Variants in RARB observed in about 807,000 individuals in gnomAD.
RARB encodes retinoic acid receptor beta.
Under a neutral mutation model 51.9 loss-of-function variants are expected in RARB, and 17 were observed. The observed-to-expected ratio is 0.33, with a 90% CI of 0.22 to 0.49. The LOEUF (loss-of-function observed/expected upper bound fraction) is 0.49. Ranked by LOEUF, RARB falls within the 20% of genes least tolerant of loss-of-function variation. The pLI is 0.99. For missense variants in RARB, 369 were observed against 550.8 expected (o/e 0.67, Z 3.30); for synonymous variants, 215 against 195.4 (o/e 1.10, Z -0.84).
At chr3:24,970,193 T>C (rs1017016434) in intron 2 of RARB, among the ~76,000 whole-genome samples, 1 of 152,114 alleles carries the variant, frequency 6.6e-6, no homozygotes, top group Non-Finnish European at 1.5e-5. Flanking sequence ...AGATTTGGCC[T>C]ATGGCTGTAG....
intron 2 of RARB, among the ~76,000 whole-genome samples, chr3:24,887,272 G>T (rs1250011612): frequency 3.9e-5 from 6 of 152,176 alleles, no homozygotes; most frequent in Non-Finnish European, 8.8e-5. Flanking sequence ...GATTACAATA[G>T]AAAATAATTT....
chr3:25,222,241 T>C lies in RARB; in HGVS notation c.178+47666T>C, dbSNP rs560671736. On this transcript the variant is annotated intron_variant, in intron 5 of 11. Transcript: ENST00000383772. Reference sequence around the variant, plus strand: ...CCTAAGGCCCAGGAGGCCTATATAATTGAGCCCTATCTCCTTCTTACTATT... The same window carrying C: ...CCTAAGGCCCAGGAGGCCTATATAACTGAGCCCTATCTCCTTCTTACTATT... 3.3e-5 allele frequency among the ~76,000 whole-genome samples: 5 copies of C among 152,290 alleles called. No homozygotes were observed. The East Asian group carries it at 7.7e-4, about 24-fold the overall frequency.
intron 1 of RARB, among the ~76,000 whole-genome samples, chr3:24,830,880 TA>T (rs893737183): frequency 4.5e-4 from 68 of 152,196 alleles, no homozygotes; most frequent in African/African-American, 1.6e-3. Context: ...AATTAATTTT[TA>T]AAAGAGGTGC....
At chr3:25,259,513 C>G (rs1260585000) in intron 5 of RARB, among the ~76,000 whole-genome samples, 1 of 152,126 alleles carries the variant, frequency 6.6e-6, no homozygotes, top group East Asian at 1.9e-4. Context: ...AACCTAGGAA[C>G]CTACCTTTAG....
rs541880136 is a variant in RARB, at chr3:25,350,830, T to C, written c.179-110363T>C. On this transcript the variant is annotated intron_variant, in intron 5 of 11. Coordinates refer to the RARB transcript ENST00000383772. ...ATGCAGGGGCTATGGCTGAGGTTTG[T>C]CTCTCTCTGTAGAGCCTGGGCTGCA... Among the ~76,000 whole-genome samples the C allele has an allele frequency of 2.6e-5, 4 of 152,350 alleles. No homozygotes were observed. In the East Asian group the frequency reaches 7.7e-4, roughly 29 times the overall value.
intron 2 of RARB, among the ~76,000 whole-genome samples, chr3:24,984,133 T>C (rs1696736504): frequency 6.6e-6 from 1 of 152,152 alleles, no homozygotes; most frequent in South Asian, 2.1e-4. Context: ...AGTAATTCTT[T>C]CCTGAAAATG....
At chr3:25,575,105 G>T (rs1305709602) in intron 4 of RARB, among the ~76,000 whole-genome samples, 1 of 152,188 alleles carries the variant, frequency 6.6e-6, no homozygotes, top group East Asian at 1.9e-4. Context: ...CATAGATGCT[G>T]GGCTTGGGGA....
chr3:25,258,391 A>G lies in RARB; in HGVS notation c.178+83816A>G, dbSNP rs372186335. Among the ~76,000 whole-genome samples, 41 of 152,318 alleles carry G rather than the reference A, an allele frequency of 2.7e-4. No individual in the cohort carries two copies. The South Asian group carries it at 7.9e-3, about 29-fold the overall frequency. ...TCGCAATTGATATTGTAAAGTAGGC[A>G]GAATGCAGGATTCCTCAGGGAAATG... On this transcript the variant is annotated intron_variant, in intron 5 of 11. Transcript: ENST00000383772.
At chr3:25,064,065 G>T (rs1698608960) in intron 3 of RARB, among the ~76,000 whole-genome samples, 2 of 152,154 alleles carry the variant, frequency 1.3e-5, no homozygotes, top group South Asian at 4.1e-4. Context: ...AGCGGTGGGT[G>T]GATAGAACCT....
At position 25,467,059 on chromosome 3, in the gene RARB, G is replaced by C. The variant is rs75492715; in HGVS notation, c.306+5718G>C. 1.5e-3 allele frequency among the ~76,000 whole-genome samples: 229 copies of C among 152,280 alleles called. 1 individual carries two copies. The highest frequency in any genetic ancestry group is 2.8e-3 in the Non-Finnish European group (188 of 68,018). On this transcript the variant is annotated intron_variant, in intron 2 of 7. Transcript: ENST00000330688. ...ATGTCCACCTGCCCAGGGCTCTGTG[G>C]CTTAGAAGCTTTAAGCCATGTCTGG...
intron 2 of RARB, among the ~76,000 whole-genome samples, chr3:25,498,907 C>T (rs998761011): frequency 2.0e-5 from 3 of 152,094 alleles, no homozygotes; most frequent in Middle Eastern, 3.4e-3. Context: ...TTTTAGATGA[C>T]CACTCTGCAC....
At chr3:25,418,853 G>C (rs1302946889) in intron 5 of RARB, among the ~76,000 whole-genome samples, 1 of 151,834 alleles carries the variant, frequency 6.6e-6, no homozygotes, top group African/African-American at 2.4e-5. Context: ...AAGATAACAG[G>C]GGTGGTCAGT....
chr3:25,041,030 G>C (rs767748644), intron 2 of RARB, among the ~76,000 whole-genome samples: 20 of 152,184 alleles, frequency 1.3e-4, no homozygotes, highest in Non-Finnish European at 2.4e-4. Flanking sequence ...TACTACAAAA[G>C]TATCTACTGA....
chr3:24,967,532 C>T (rs372490110), intron 2 of RARB, among the ~76,000 whole-genome samples: 1 of 152,108 alleles, frequency 6.6e-6, no homozygotes, highest in East Asian at 1.9e-4. Flanking sequence ...ATGCATGCAT[C>T]TTTCAGCAGA....
intron 2 of RARB, among the ~76,000 whole-genome samples, chr3:24,956,166 T>C (rs1168723040): frequency 2.0e-5 from 3 of 152,104 alleles, no homozygotes; most frequent in African/African-American, 7.2e-5. Context: ...AATACTGAAG[T>C]ACTACATTTT....
intron 2 of RARB, among the ~76,000 whole-genome samples, chr3:24,985,050 T>C (rs1264056639): frequency 6.6e-6 from 1 of 152,224 alleles, no homozygotes; most frequent in African/African-American, 2.4e-5. Flanking sequence ...TGGAAATTCA[T>C]TAAATATTTA....
intron 4 of RARB, among the ~76,000 whole-genome samples, chr3:25,574,938 C>A (rs2125295869): frequency 6.6e-6 from 1 of 152,174 alleles, no homozygotes; most frequent in African/African-American, 2.4e-5. Context: ...AGTTCCAGTC[C>A]CCACTGTCAC....
chr3:25,428,388 A>T lies in RARB; in HGVS notation c.-344A>T. Reference sequence around the variant, plus strand: ...GGATGCCGAGAACGCGAGCGATCCGAGCAGGGTTTGTCTGGGCACCGTCGG... The same window carrying T: ...GGATGCCGAGAACGCGAGCGATCCGTGCAGGGTTTGTCTGGGCACCGTCGG... On this transcript the variant is annotated 5_prime_UTR_variant, in exon 1 of 8. Coordinates refer to ENST00000330688, the MANE Select transcript of RARB (RefSeq NM_000965.5). The T allele has an allele frequency of 7.9e-7, 1 of 1,259,042 alleles. No individual in the cohort carries two copies. The highest frequency in any genetic ancestry group is 1.0e-6 in the Non-Finnish European group (1 of 1,003,890). 78.0% of individuals were successfully genotyped at this position (1,259,042 alleles called of 1,614,324 possible).
At chr3:25,133,168 C>T (rs1238461170) in intron 4 of RARB, among the ~76,000 whole-genome samples, 5 of 151,844 alleles carry the variant, frequency 3.3e-5, no homozygotes, top group South Asian at 2.1e-4. Context: ...GGGAAGTATA[C>T]GTGAAATAAA....
Sources: gnomAD v4.1 joint callset for allele counts (sites outside exome capture counted in the v4.1 genomes callset) on GRCh38, gnomAD v4.1.1 for gene constraint, MANE v1.5 for transcripts, NCBI Gene and HGNC (gene_info 2026-07-23, HGNC 2026-07-21) for gene names.